Variants in USH2A observed in about 807,000 individuals in gnomAD.
The protein encoded by USH2A is usherin.
A neutral mutation model predicts 538.9 loss-of-function variants in USH2A; 443 were observed. The observed-to-expected ratio is 0.82, with a 90% confidence interval of 0.76 to 0.89. USH2A has a LOEUF of 0.89. Among genes scored for constraint, USH2A ranks in the 40% least tolerant of loss-of-function variants. The probability of loss-of-function intolerance (pLI) is 0.00; values close to 1 mark genes in which losing one functional copy is unlikely to be tolerated. For missense variants in USH2A, 6,633 were observed against 6,324.8 expected (o/e 1.05, Z -1.65); for synonymous variants, 2,413 against 2,273.5 (o/e 1.06, Z -1.75).
At chr1:215,636,791 T>C (rs1396213128) in intron 69 of USH2A, among the ~76,000 whole-genome samples, 3 of 152,022 alleles carry the variant, frequency 2.0e-5, no homozygotes, top group South Asian at 2.1e-4. Flanking sequence ...AGTTACATCA[T>C]GAAAATTAGA....
chr1:216,148,158 G>A (rs2033751962), intron 21 of USH2A, among the ~76,000 whole-genome samples: 1 of 151,702 alleles, frequency 6.6e-6, no homozygotes, highest in Admixed American at 6.6e-5. Context: ...TCTTTTCAAG[G>A]GCCTGTTTCC....
chr1:215,945,765 C>A (rs1371811260), intron 37 of USH2A, among the ~76,000 whole-genome samples: 3 of 152,000 alleles, frequency 2.0e-5, no homozygotes, highest in African/African-American at 7.2e-5. Flanking sequence ...CAGAAAGAAA[C>A]TGGCTAAAAA....
At chr1:216,040,281 G>A (rs1470574556) in intron 32 of USH2A, among the ~76,000 whole-genome samples, 1 of 151,918 alleles carries the variant, frequency 6.6e-6, no homozygotes, top group African/African-American at 2.4e-5. Context: ...TTATGGCTTG[G>A]TGTGAGATAG....
chr1:216,207,666 G>T (rs1357021058), intron 15 of USH2A, among the ~76,000 whole-genome samples: 1 of 150,004 alleles, frequency 6.7e-6, no homozygotes, highest in East Asian at 1.9e-4. Context: ...AAATATAGTT[G>T]GGGGTAAAAA....
intron 4 of USH2A, among the ~76,000 whole-genome samples, chr1:216,343,929 T>A (rs2038126479): frequency 6.6e-6 from 1 of 152,072 alleles, no homozygotes; most frequent in African/African-American, 2.4e-5. Flanking sequence ...ATTGTTAAGA[T>A]TTTTAGACAT....
chr1:215,984,488 T>G (rs1008749936), intron 35 of USH2A, among the ~76,000 whole-genome samples: 3 of 152,146 alleles, frequency 2.0e-5, no homozygotes, highest in Non-Finnish European at 4.4e-5. Flanking sequence ...AATGATAGGG[T>G]TTTTAAGGTG....
chr1:215,648,532 G>A lies in USH2A; in HGVS notation c.14578C>T (p.His4860Tyr). 1 of 1,614,118 alleles carries A rather than the reference G, an allele frequency of 6.2e-7. No homozygotes were observed. Among genetic ancestry groups the A allele is most frequent in the Non-Finnish European group, 8.5e-7 (1 of 1,179,980 alleles). Residue 4860 changes from histidine (H) to tyrosine (Y), a missense_variant, in exon 66 of 72, where the codon CAC (histidine) becomes TAC (tyrosine). Physicochemically the swap from His to Tyr is moderately conservative, Grantham distance 83. Transcript: ENST00000307340. ...SPPMFPNGVIHSYELQFHVAC... is the reference protein window; with the variant it reads ...SPPMFPNGVIYSYELQFHVAC... ...TCCTTCTGCCTGACCCATTACCTGT[G>A]AATGACACCATTGGGGAACATGGGG...
chr1:216,073,063 A>G, intron 28 of USH2A, 34 bp downstream of exon 28: 1 of 1,613,562 alleles, frequency 6.2e-7, no homozygotes, highest in Non-Finnish European at 8.5e-7. Context: ...AATAAGAGAC[A>G]TGTAACATTT....
intron 3 of USH2A, among the ~76,000 whole-genome samples, chr1:216,398,096 C>G (rs2039245398): frequency 6.6e-6 from 1 of 152,210 alleles, no homozygotes; most frequent in Admixed American, 6.5e-5. Flanking sequence ...AGCCAATATA[C>G]TTTAAATACA....
intron 4 of USH2A, among the ~76,000 whole-genome samples, chr1:216,361,842 C>A (rs1320122801): frequency 6.6e-6 from 1 of 152,160 alleles, no homozygotes; most frequent in African/African-American, 2.4e-5. Context: ...ATGGAAAAAT[C>A]TCATTGGCAT....
chr1:215,725,637 C>T (rs2102711088), intron 61 of USH2A, among the ~76,000 whole-genome samples: 1 of 152,296 alleles, frequency 6.6e-6, no homozygotes, highest in African/African-American at 2.4e-5. Flanking sequence ...CACACATACA[C>T]ATTCAAAAAT....
intron 30 of USH2A, among the ~76,000 whole-genome samples, chr1:216,054,536 A>G (rs1474385136): frequency 6.6e-6 from 1 of 152,150 alleles, no homozygotes; most frequent in Non-Finnish European, 1.5e-5. Context: ...ACAAGTATAA[A>G]TGCTCTGCCT....
chr1:215,861,838 CTTTTTT>C (rs11461966), intron 44 of USH2A, among the ~76,000 whole-genome samples: 1 of 110,340 alleles, frequency 9.1e-6, no homozygotes, highest in Admixed American at 1.1e-4. Flanking sequence ...GTAGTTTTCG[CTTTTTT>C]TTTTTTTTTT....
At chr1:215,626,800 G>A (rs562561299) in intron 71 of USH2A, among the ~76,000 whole-genome samples, 1 of 152,076 alleles carries the variant, frequency 6.6e-6, no homozygotes, top group Non-Finnish European at 1.5e-5. Flanking sequence ...AGTTCTTTTT[G>A]TAAAAAATGA....
chr1:215,757,703 C>A (rs1450978890), intron 58 of USH2A, among the ~76,000 whole-genome samples: 1 of 152,188 alleles, frequency 6.6e-6, no homozygotes, highest in Non-Finnish European at 1.5e-5. Flanking sequence ...CAGGATTTTA[C>A]CTGAGGATGG....
intron 38 of USH2A, among the ~76,000 whole-genome samples, chr1:215,928,311 T>A (rs1666286600): frequency 6.6e-6 from 1 of 152,120 alleles, no homozygotes; most frequent in African/African-American, 2.4e-5. Flanking sequence ...AAATAAAACA[T>A]CAAAATTAAT....
rs1665138036 is a variant in USH2A, at chr1:215,888,866, C to T, written c.7783G>A (p.Ala2595Thr). The change falls in exon 41 of 72, where the codon GCC (alanine) becomes ACC (threonine). Residue 2595 changes from alanine to threonine, a missense_variant. Physicochemically the swap from Ala to Thr is moderately conservative, Grantham distance 58 (BLOSUM62 0). Transcript: ENST00000307340. ...CTVMHLHPYT[A>T]YKFQVEACTS... is the part of the protein sequence containing the mutation. ...CAGGCTTCTACCTGAAACTTATAGG[C>T]AGTGTATGGGTGTAAATGCATCACT... The T allele has an allele frequency of 6.2e-7, 1 of 1,614,098 alleles. No individual in the cohort carries two copies. The highest frequency in any genetic ancestry group is 1.6e-4 in the Middle Eastern group (1 of 6,062).
At chr1:215,651,398 T>C (rs1243525799) in intron 64 of USH2A, among the ~76,000 whole-genome samples, 1 of 152,066 alleles carries the variant, frequency 6.6e-6, no homozygotes, top group East Asian at 1.9e-4. Flanking sequence ...GTGTATAGGG[T>C]TAAATTAGGC....
rs761223332 is a variant in USH2A, at chr1:215,741,540, T to C, written c.11549-3A>G. 3 of 1,598,130 alleles carry C rather than the reference T, an allele frequency of 1.9e-6. No homozygotes were observed. The highest frequency in any genetic ancestry group is 2.2e-5 in the East Asian group (1 of 44,740). On this transcript the variant is annotated splice_region_variant and splice_polypyrimidine_tract_variant and intron_variant, in intron 59 of 71. Coordinates refer to ENST00000307340, the MANE Select transcript of USH2A (RefSeq NM_206933.4). Reference sequence around the variant, plus strand: ...CCTACTGCTAACTCCACAACTTCCTTGAAAAAAAAAAAATTGAGGTCTTTA... The same window carrying C: ...CCTACTGCTAACTCCACAACTTCCTCGAAAAAAAAAAAATTGAGGTCTTTA...
Sources: allele counts gnomAD v4.1 joint callset (sites outside exome capture counted in the v4.1 genomes callset), GRCh38; gene constraint gnomAD v4.1.1; transcripts MANE v1.5; gene names NCBI Gene and HGNC (gene_info 2026-07-23, HGNC 2026-07-21).